TAPBPL: variants seen among roughly 807,000 people sequenced by gnomAD.
TAPBPL encodes TAP binding protein like, also known as tapasin-related protein.
In TAPBPL, 32 loss-of-function variants were observed where a neutral mutation model predicts 44.8. The observed-to-expected ratio is 0.71, with a 90% CI of 0.54 to 0.96. TAPBPL has a LOEUF of 0.96. Among genes scored for constraint, TAPBPL ranks in the 40% least tolerant of loss-of-function variants. The probability of loss-of-function intolerance (pLI) is 0.00; values close to 1 mark genes in which losing one functional copy is unlikely to be tolerated. For missense variants in TAPBPL, 520 were observed against 586.6 expected (o/e 0.89, Z 1.17); for synonymous variants, 230 against 240.7 (o/e 0.96, Z 0.41).
chr12:6,464,983 A>C, downstream of TAPBPL: 2 of 1,611,270 alleles, frequency 1.2e-6, no homozygotes, highest in South Asian at 2.2e-5. Flanking sequence ...GGATTTCAGG[A>C]ATGAGGAAAA....
rs758207098 is a variant in TAPBPL at position 6,457,566 on chromosome 12, C to T, written c.726C>T (p.Thr242=). The part of the protein sequence containing the change: ...KGRGQLVYSW[T]AGQGQAVRKG... ...GGGGTCAGTTGGTGTACAGCTGGAC[C>T]GCAGGGCAGGGGCAGGCTGTGCGGA... is the stretch of plus-strand genomic sequence containing the variant. The change falls in exon 4 of 7, where the codon ACC becomes ACT. Residue 242 remains threonine (T), a synonymous_variant. Transcript: ENST00000266556. The T allele has an allele frequency of 4.7e-5, 76 of 1,614,168 alleles. No individual in the cohort carries two copies. The South Asian group carries it at 5.9e-4, about 13-fold the overall frequency.
intron 1 of TAPBPL, chr12:6,452,703 G>T: frequency 1.1e-6 from 1 of 890,794 alleles, no homozygotes; most frequent in Non-Finnish European, 1.5e-6. Flanking sequence ...CAGGCTGTCA[G>T]TGCCCCAGCA....
chr12:6,464,584 T>C, downstream of TAPBPL: 37 of 1,461,394 alleles, frequency 2.5e-5, no homozygotes, highest in Non-Finnish European at 3.3e-5. Context: ...TTCAGGTCTC[T>C]CCATTGTTAA....
chr12:6,463,653 AAATT>A, downstream of TAPBPL: 1 of 1,087,358 alleles, frequency 9.2e-7, no homozygotes, highest in South Asian at 2.4e-5. This position sits in a 1 kb window ranked among gnomAD's most constrained non-coding sequence, Gnocchi z 4.0. Context: ...GAGCTAGGTT[AAATT>A]ATTTGGCTAG....
intron 6 of TAPBPL, 102 bp from the exon 7 acceptor site, chr12:6,461,932 G>A: frequency 1.1e-6 from 1 of 916,814 alleles, no homozygotes; most frequent in Non-Finnish European, 1.7e-6. Context: ...AAGGACCTAG[G>A]AAGGAGCACA....
At position 6,457,727 on chromosome 12, in the gene TAPBPL, T is replaced by A; in HGVS notation, c.887T>A (p.Ile296Asn). The change falls in exon 4 of 7, where the codon ATC becomes AAC. Residue 296 changes from isoleucine (I) to asparagine (N), a missense_variant. Coordinates refer to ENST00000266556, the MANE Select transcript of TAPBPL (RefSeq NM_018009.5). The stretch of plus-strand genomic sequence containing the variant: ...TCTCTGTACCGAGCTCAGCAGATCA[T>A]CCAGCTCAACATCCAAGGTGAGGCC... The part of the protein sequence containing the change: ...TTSLYRAQQI[I>N]QLNIQASPKV... 1 of 1,588,284 alleles carries A rather than the reference T, an allele frequency of 6.3e-7. No individual in the cohort carries two copies.
chr12:6,465,466 AGTGTGT>A (rs72418260), downstream of TAPBPL: 2,261 of 103,420 alleles, frequency 0.022, 158 homozygotes, highest in African/African-American at 0.098. Context: ...GTGTATATAT[AGTGTGT>A]GTGTGTGTGT....
At position 6,462,092 on chromosome 12, in the gene TAPBPL, C is replaced by T. The variant is rs747870941; in HGVS notation, c.1350C>T (p.Asp450=). The change falls in exon 7 of 7, where the codon GAC becomes GAT. Residue 450 remains aspartate, a synonymous_variant. Coordinates refer to ENST00000266556, the MANE Select transcript of TAPBPL (RefSeq NM_018009.5). ...AERWETTSCA[D]TQSSHLHEDR... ...GCTGGGAGACCACTTCCTGTGCTGA[C>T]ACACAGAGCTCCCATCTCCATGAAG... 32 of 1,613,774 alleles carry T rather than the reference C, an allele frequency of 2.0e-5. No individual in the cohort carries two copies. The highest frequency in any genetic ancestry group is 2.5e-5 in the Non-Finnish European group (29 of 1,179,694).
At chr12:6,452,494 G>A (rs778875020) in intron 1 of TAPBPL, 182 bp downstream of exon 1, 5 of 1,438,078 alleles carry the variant, frequency 3.5e-6, no homozygotes, top group Non-Finnish European at 4.6e-6. Flanking sequence ...GTGGAGGGAG[G>A]GTGGGGACTC....
intron 4 of TAPBPL, 25 bp downstream of exon 4, chr12:6,457,769 A>C (rs1949739663): frequency 1.3e-6 from 2 of 1,537,192 alleles, no homozygotes. Flanking sequence ...TGGTTATCCC[A>C]GGGAAGGGGA....
At chr12:6,470,515 C>T (rs1332418739), downstream of TAPBPL, 2 of 1,614,022 alleles carry the variant, frequency 1.2e-6, no homozygotes, top group Non-Finnish European at 1.7e-6. Context: ...AGCCCCCACA[C>T]CAGAGTCAAC....
downstream of TAPBPL, chr12:6,470,480 G>A (rs573277356): frequency 9.3e-6 from 15 of 1,613,382 alleles, no homozygotes; most frequent in Middle Eastern, 3.3e-4. Context: ...GGGAGCTTGG[G>A]GCGAGAGTTG....
At chr12:6,464,756 G>A (rs1949961552), downstream of TAPBPL, 1 of 1,531,562 alleles carries the variant, frequency 6.5e-7, no homozygotes, top group Non-Finnish European at 8.7e-7. Flanking sequence ...TCCCGAACCA[G>A]GTGACGATCC....
At chr12:6,467,164 G>A (rs1025302171), downstream of TAPBPL, 2 of 160,554 alleles carry the variant, frequency 1.2e-5, no homozygotes, top group African/African-American at 4.8e-5. Flanking sequence ...TCAGCAGCAT[G>A]AAAACAGACT....
In TAPBPL at chr12:6,453,486, A is replaced by G. The variant is rs143238457; in HGVS notation, c.335A>G (p.His112Arg). The stretch of plus-strand genomic sequence containing the variant: ...ATTCCCCAGGCCGAGGCCTTGCTCC[A>G]TGCTGACTGCAGTGGGAAGGAGGTG... ...VQIPQAEALL[H>R]ADCSGKEVTC... is the part of the protein sequence containing the mutation. Residue 112 changes from histidine (H) to arginine (R), a missense_variant, in exon 3 of 7, where the codon CAT becomes CGT. Physicochemically the swap from His to Arg is conservative, Grantham distance 29. Transcript: ENST00000266556. The surrounding 1 kb of genome is among the most constrained non-coding windows in gnomAD (Gnocchi z 4.8). 12 of 1,614,158 alleles carry G rather than the reference A, an allele frequency of 7.4e-6. No individual in the cohort carries two copies. The highest frequency in any genetic ancestry group is 1.7e-5 in the Admixed American group (1 of 60,026).
At chr12:6,459,765 TTTTA>T (rs1949798976) in intron 5 of TAPBPL, among the ~76,000 whole-genome samples, 1 of 119,638 alleles carries the variant, frequency 8.4e-6, no homozygotes, top group Admixed American at 8.1e-5. Context: ...TATTTATTTA[TTTTA>T]TTTTATTTTA....
chr12:6,458,595 C>T (rs372333105), intron 4 of TAPBPL, 50 bp from the exon 5 acceptor site: 208 of 1,589,500 alleles, frequency 1.3e-4, no homozygotes, highest in Non-Finnish European at 1.7e-4. Context: ...GGCTCCTCCG[C>T]TGTCCCCAGT....
upstream of TAPBPL, chr12:6,451,651 A>T (rs1359180659): frequency 4.5e-6 from 2 of 446,436 alleles, no homozygotes; most frequent in Non-Finnish European, 8.0e-6. Context: ...TGTAAAACAC[A>T]CTTCCTGCTG....
At chr12:6,465,175 T>G, downstream of TAPBPL, 1 of 552,728 alleles carries the variant, frequency 1.8e-6, no homozygotes, top group Middle Eastern at 2.9e-4. Context: ...ATTGAGCTCC[T>G]TTTTGCTTAG....
Sources: gnomAD v4.1 joint callset for allele counts (sites outside exome capture counted in the v4.1 genomes callset) on GRCh38, gnomAD v4.1.1 for gene constraint, Gnocchi (gnomAD v3.1) non-coding constraint, MANE v1.5 for transcripts, NCBI Gene and HGNC (gene_info 2026-07-23, HGNC 2026-07-21) for gene names.